Variants in ANK2 observed in about 807,000 individuals in gnomAD.
ANK2 encodes ankyrin 2, also known as ankyrin-2.
Under a neutral mutation model 360.5 loss-of-function variants are expected in ANK2, and 83 were observed. That is an observed-to-expected ratio of 0.23 (90% CI 0.19 to 0.28). ANK2 has a LOEUF of 0.28. Ranked by LOEUF, ANK2 falls within the 10% of genes least tolerant of loss-of-function variation. The pLI, the probability that ANK2 is intolerant of heterozygous loss-of-function variation, is 1.00. For missense variants in ANK2, 4,201 were observed against 4,795.7 expected (o/e 0.88, Z 3.66); for synonymous variants, 1,740 against 1,759.5 (o/e 0.99, Z 0.28).
intron 1 of ANK2, among the ~76,000 whole-genome samples, chr4:113,140,978 A>T (rs1413118755): frequency 2.8e-5 from 4 of 144,308 alleles, no homozygotes; most frequent in East Asian, 2.0e-4. Context: ...AACTCCGTTT[A>T]AAAAAAAAAA....
chr4:113,014,980 T>A (rs1251816290), intron 2 of ANK2, among the ~76,000 whole-genome samples: 1 of 146,844 alleles, frequency 6.8e-6, no homozygotes, highest in African/African-American at 2.5e-5. Context: ...TGCCTCAGCC[T>A]CCCGAGTAGC....
chr4:113,249,683 C>A (rs1473752260), intron 9 of ANK2, 81 bp from the exon 10 acceptor site: 1 of 1,304,672 alleles, frequency 7.7e-7, no homozygotes, highest in Non-Finnish European at 1.1e-6. Context: ...AGTTTAGGAA[C>A]TCCCTCTTTA....
At chr4:112,943,247 G>A (rs2094350048) in intron 2 of ANK2, among the ~76,000 whole-genome samples, 1 of 152,042 alleles carries the variant, frequency 6.6e-6, no homozygotes, top group Admixed American at 6.6e-5. Flanking sequence ...TGTCTCAAAT[G>A]TAAAACTTGA....
intron 2 of ANK2, among the ~76,000 whole-genome samples, chr4:112,964,178 C>T (rs941866155): frequency 6.7e-6 from 1 of 148,858 alleles, no homozygotes; most frequent in African/African-American, 2.5e-5. Context: ...AAGCAATAAT[C>T]ACATCATGAA....
chr4:113,032,756 A>G (rs751298128), intron 2 of ANK2, among the ~76,000 whole-genome samples: 3 of 152,090 alleles, frequency 2.0e-5, no homozygotes, highest in Non-Finnish European at 4.4e-5. Flanking sequence ...TCCAAGAGAC[A>G]GTCACCCTGT....
intron 1 of ANK2, among the ~76,000 whole-genome samples, chr4:113,119,347 T>C (rs992312985): frequency 2.0e-5 from 3 of 152,060 alleles, no homozygotes; most frequent in Non-Finnish European, 2.9e-5. Context: ...TTTTTAGCTA[T>C]ATTATATTTA....
intron 31 of ANK2, among the ~76,000 whole-genome samples, chr4:113,338,890 G>A (rs1247883109): frequency 6.6e-6 from 1 of 152,036 alleles, no homozygotes; most frequent in Non-Finnish European, 1.5e-5. Flanking sequence ...TCCTTAGGTG[G>A]TCAAAGGATA....
At position 113,358,962 on chromosome 4, in the gene ANK2, C is replaced by T; in HGVS notation, c.10344C>T (p.Ser3448=). The T allele has an allele frequency of 6.2e-7, 1 of 1,614,044 alleles. No homozygotes were observed. The highest frequency in any genetic ancestry group is 1.7e-4 in the Middle Eastern group (1 of 6,060). The part of the protein sequence containing the change: ...LTSRLPVKSR[S]TTSSCRGGTS... ...CCCGATTGCCAGTTAAGAGCAGAAG[C>T]ACTACATCTTCCTGCAGGGGGGGCA... is the stretch of plus-strand genomic sequence containing the variant. Residue 3448 remains serine (S), a synonymous_variant, in exon 38 of 46, where the codon AGC becomes AGT. Coordinates refer to ENST00000357077, the MANE Select transcript of ANK2 (RefSeq NM_001148.6).
chr4:113,042,551 G>A (rs946047485), intron 2 of ANK2, among the ~76,000 whole-genome samples: 4 of 152,112 alleles, frequency 2.6e-5, no homozygotes, highest in Non-Finnish European at 5.9e-5. Context: ...TGTAAATTTT[G>A]CAGGGACACA....
chr4:113,118,874 C>T (rs1388439349), intron 1 of ANK2, among the ~76,000 whole-genome samples: 6 of 152,114 alleles, frequency 3.9e-5, no homozygotes, highest in African/African-American at 1.4e-4. Flanking sequence ...GCTAGCGGCC[C>T]TTGTCAGCAT....
intron 17 of ANK2, 34 bp from the exon 18 acceptor site, chr4:113,282,641 C>G (rs879159530): frequency 4.6e-6 from 7 of 1,529,366 alleles, no homozygotes; most frequent in Non-Finnish European, 6.3e-6. Context: ...TAATCTTACT[C>G]TATATGCATG....
At chr4:112,818,922 G>A (rs180843427) in intron 1 of ANK2, among the ~76,000 whole-genome samples, 3 of 152,200 alleles carry the variant, frequency 2.0e-5, no homozygotes, top group Admixed American at 1.3e-4. Flanking sequence ...TTCCTGCATC[G>A]AAAGCCCAAT....
intron 2 of ANK2, among the ~76,000 whole-genome samples, chr4:112,962,224 T>A (rs1054543370): frequency 6.6e-6 from 1 of 152,100 alleles, no homozygotes; most frequent in African/African-American, 2.4e-5. Flanking sequence ...GTCTGCAGTG[T>A]CTATTGTTCC....
At chr4:113,005,763 G>A (rs907398052) in intron 2 of ANK2, among the ~76,000 whole-genome samples, 5 of 152,130 alleles carry the variant, frequency 3.3e-5, no homozygotes, top group Non-Finnish European at 5.9e-5. Flanking sequence ...CCTAGTGGGA[G>A]GCATTTGGGT....
In ANK2 at chr4:113,314,166, ATC is replaced by A. The variant is rs1270406543; in HGVS notation, c.2693+2769_2693+2770del. Among the ~76,000 whole-genome samples the A allele has an allele frequency of 3.3e-5, 5 of 152,346 alleles. No individual in the cohort carries two copies. The South Asian group carries it at 6.2e-4, about 19-fold the overall frequency. On this transcript the variant is annotated intron_variant, in intron 24 of 45. Coordinates refer to ENST00000357077, the MANE Select transcript of ANK2 (RefSeq NM_001148.6). Reference sequence around the variant, plus strand: ...CAAGTTATGATTAGTTGGATTTTGCATCTGTTTTATTTTATTGTAGCTTACAA... The same window carrying A: ...CAAGTTATGATTAGTTGGATTTTGCATGTTTTATTTTATTGTAGCTTACAA...
In ANK2 at chr4:113,382,184, G is replaced by C. The variant is rs2097183506; in HGVS notation, c.*713G>C. On this transcript the variant is annotated 3_prime_UTR_variant, in exon 46 of 46. Coordinates refer to ENST00000357077, the MANE Select transcript of ANK2 (RefSeq NM_001148.6). ...GTGATAATACAGTTTTACTGCAAAAGAAGCACTTCAAACCTATTATGTCCT... is the reference window on the plus strand; with the variant it reads ...GTGATAATACAGTTTTACTGCAAAACAAGCACTTCAAACCTATTATGTCCT... 6.1e-6 allele frequency: 1 copy of C among 163,782 alleles called. No individual in the cohort carries two copies. Among genetic ancestry groups the C allele is most frequent in the African/African-American group, 2.4e-5 (1 of 41,646 alleles). The allele number at this position is 163,782 out of a possible 1,614,324, so 10.1% of individuals were successfully genotyped here. A position where few individuals can be genotyped will look rare whatever the true frequency, so the allele number is the denominator to read the frequency against.
chr4:113,122,137 G>A (rs1410918655), intron 1 of ANK2, among the ~76,000 whole-genome samples: 2 of 152,156 alleles, frequency 1.3e-5, no homozygotes, highest in African/African-American at 4.8e-5. Flanking sequence ...ATAAGAATGA[G>A]TTGAAAGTTG....
intron 4 of ANK2, among the ~76,000 whole-genome samples, chr4:113,218,303 C>A (rs140782037): frequency 2.5e-4 from 38 of 151,966 alleles, no homozygotes; most frequent in African/African-American, 5.8e-4. Flanking sequence ...ATTTTAGAAT[C>A]AAAAAAATGA....
the ANK2 span, among the ~76,000 whole-genome samples, chr4:112,793,706 C>CT: frequency 0.31 from 41,126 of 134,682 alleles, 6,363 homozygotes; most frequent in East Asian, 0.35. Context: ...ATTTTCTTTT[C>CT]TTTTTTTTTT....
Sources: gnomAD v4.1 joint callset for allele counts (sites outside exome capture counted in the v4.1 genomes callset) on GRCh38, gnomAD v4.1.1 for gene constraint, MANE v1.5 for transcripts, NCBI Gene and HGNC (gene_info 2026-07-23, HGNC 2026-07-21) for gene names.